Variants in SLC2A9 observed in about 807,000 individuals in gnomAD.
SLC2A9 encodes the protein solute carrier family 2 member 9.
SLC2A9 carries 39 observed loss-of-function variants against 50.6 expected under a neutral mutation model. The observed-to-expected ratio is 0.77, with a 90% CI of 0.60 to 1.01. SLC2A9 has a LOEUF of 1.01. Among genes scored for constraint, SLC2A9 ranks in the 50% least tolerant of loss-of-function variants. SLC2A9 has a pLI of 0.00. For synonymous variants in SLC2A9, 324 were observed against 276.9 expected, an observed-to-expected ratio of 1.17 and a Z score of -1.69; for missense variants, 686 against 677.6, an observed-to-expected ratio of 1.01 and a Z score of -0.14.
chr4:9,830,228 C>T (rs1725854897), intron 11 of SLC2A9, among the ~76,000 whole-genome samples: 1 of 152,200 alleles, frequency 6.6e-6, no homozygotes, highest in African/African-American at 2.4e-5. Context: ...ATGGATGGAG[C>T]TGGAAGCTGT....
intron 2 of SLC2A9, among the ~76,000 whole-genome samples, chr4:10,016,983 A>G (rs966375698): frequency 5.3e-5 from 8 of 151,862 alleles, no homozygotes; most frequent in African/African-American, 1.9e-4. Context: ...CACGCTACTA[A>G]CTTCCTAATA....
In SLC2A9 at chr4:9,850,484, C is replaced by A. The variant is rs561875582; in HGVS notation, c.1292-15476G>T. 8.5e-5 allele frequency among the ~76,000 whole-genome samples: 13 copies of A among 152,272 alleles called. No homozygotes were observed. In the South Asian group the frequency reaches 2.5e-3, roughly 29 times the overall value. On this transcript the variant is annotated intron_variant, in intron 10 of 11. Transcript: ENST00000264784. ...AGGCCGGTACATTCTGAATGCCCCC[C>A]ATCTGCTGGACTCTCTTGGGGCCCC...
chr4:9,815,981 C>T (rs1723534065), intron 3 of SLC2A9, among the ~76,000 whole-genome samples: 1 of 151,754 alleles, frequency 6.6e-6, no homozygotes, highest in Non-Finnish European at 1.5e-5. Flanking sequence ...ACCAGCCTGG[C>T]CAATATGGTG....
chr4:9,932,512 G>GGTAA (rs915214203), intron 6 of SLC2A9, among the ~76,000 whole-genome samples: 12 of 152,156 alleles, frequency 7.9e-5, no homozygotes, highest in Admixed American at 5.2e-4. Flanking sequence ...AATAAATCAA[G>GGTAA]GTAAGTGGCA....
intron 10 of SLC2A9, among the ~76,000 whole-genome samples, chr4:9,851,544 C>A (rs754656852): frequency 2.6e-5 from 4 of 152,214 alleles, no homozygotes; most frequent in Non-Finnish European, 4.4e-5. Context: ...AATGACCACA[C>A]TAATTCCCCA....
intron 10 of SLC2A9, among the ~76,000 whole-genome samples, chr4:9,870,658 G>A (rs139677056): frequency 7.1e-4 from 108 of 152,300 alleles, no homozygotes; most frequent in African/African-American, 2.4e-3. Context: ...CATAGGCTGC[G>A]GGAAAGTGAT....
Position 9,981,470 on chromosome 4 carries a change from C to A in SLC2A9, c.536-733G>T, listed in dbSNP as rs372620891. On this transcript the variant is annotated intron_variant, in intron 4 of 11. Transcript: ENST00000264784. The stretch of plus-strand genomic sequence containing the variant: ...GTTATTTACTTTTAACAATAGTCTT[C>A]TGAATTAAATATACTATTACCATTT... Among the ~76,000 whole-genome samples, 3 of 152,112 alleles carry A rather than the reference C, an allele frequency of 2.0e-5. No individual in the cohort carries two copies. The East Asian group carries it at 5.8e-4, about 29-fold the overall frequency.
chr4:9,799,285 CATTTATTTATTT>C (rs34063554), intron 3 of SLC2A9: 1 of 149,404 alleles, frequency 6.7e-6, no homozygotes, highest in Admixed American at 6.7e-5. Context: ...AAACAACAGA[CATTTATTTATTT>C]ATTTATTTAT....
chr4:9,903,705 A>G (rs899260246), intron 8 of SLC2A9, among the ~76,000 whole-genome samples: 4 of 151,902 alleles, frequency 2.6e-5, no homozygotes, highest in Non-Finnish European at 4.4e-5. Flanking sequence ...TGGATAAGCA[A>G]TCACTTCAAA....
At chr4:9,980,780 C>CG (rs1182875183) in intron 4 of SLC2A9, 43 bp from the exon 5 acceptor site, 4 of 1,613,726 alleles carry the variant, frequency 2.5e-6, no homozygotes, top group Non-Finnish European at 1.7e-6. Flanking sequence ...GGTGTCTTCC[C>CG]GGGGGAGCTG....
Position 9,959,253 on chromosome 4 carries a change from G to A in SLC2A9, c.682-17208C>T, listed in dbSNP as rs528278494. On this transcript the variant is annotated intron_variant, in intron 5 of 11. Transcript: ENST00000264784. ...AAAAAAATACAAAAATTAGCCAGGCGTGGTGGCGGGGGCATGTAATCCCAG... is the reference window on the plus strand; with the variant it reads ...AAAAAAATACAAAAATTAGCCAGGCATGGTGGCGGGGGCATGTAATCCCAG... Among the ~76,000 whole-genome samples the A allele has an allele frequency of 1.6e-4, 24 of 151,502 alleles. No homozygotes were observed. In the South Asian group the frequency reaches 2.5e-3, roughly 16 times the overall value.
At position 9,920,368 on chromosome 4, in the gene SLC2A9, C is replaced by T. The variant is rs765285398; in HGVS notation, c.1002+17G>A. The T allele has an allele frequency of 8.7e-6, 14 of 1,613,548 alleles. No individual in the cohort carries two copies. The highest frequency in any genetic ancestry group is 1.7e-5 in the Admixed American group (1 of 59,974). ...CCTCCAGTCATGCAAGGATGCCCACCGGGCCCCAGGACTCACTGCATTGAG... is the reference window on the plus strand; with the variant it reads ...CCTCCAGTCATGCAAGGATGCCCACTGGGCCCCAGGACTCACTGCATTGAG... On this transcript the variant is annotated intron_variant, in intron 7 of 11. Transcript: ENST00000264784.
intron 1 of SLC2A9, among the ~76,000 whole-genome samples, chr4:10,039,428 C>A (rs191581704): frequency 6.6e-6 from 1 of 152,348 alleles, no homozygotes; most frequent in East Asian, 1.9e-4. Flanking sequence ...TCCAACAAAA[C>A]CTGTAGTTTC....
intron 11 of SLC2A9, among the ~76,000 whole-genome samples, chr4:9,829,264 C>T (rs1011835067): frequency 6.6e-6 from 1 of 152,098 alleles, no homozygotes; most frequent in South Asian, 2.1e-4. Flanking sequence ...ATTAGCTAGG[C>T]GTGGTGGCAG....
At chr4:9,803,226 T>G (rs1721694454) in intron 3 of SLC2A9, among the ~76,000 whole-genome samples, 1 of 152,256 alleles carries the variant, frequency 6.6e-6, no homozygotes, top group South Asian at 2.1e-4. Context: ...AGATTAAATG[T>G]GAGTTCAAGG....
intron 8 of SLC2A9, among the ~76,000 whole-genome samples, 182 bp downstream of exon 8, chr4:9,908,053 G>C (rs1741010033): frequency 6.6e-6 from 1 of 152,094 alleles, no homozygotes. Context: ...AATGATGTCT[G>C]GGTTCTCCCC....
chr4:9,919,632 T>C (rs1743537244), intron 7 of SLC2A9, among the ~76,000 whole-genome samples: 1 of 152,130 alleles, frequency 6.6e-6, no homozygotes, highest in East Asian at 1.9e-4. Context: ...TCCTCCCAAG[T>C]GACATGAGTG....
chr4:9,846,479 C>G (rs927719223), intron 10 of SLC2A9, among the ~76,000 whole-genome samples: 22 of 152,068 alleles, frequency 1.4e-4, no homozygotes, highest in African/African-American at 5.3e-4. Context: ...CAGATGCTTC[C>G]TGGGGTCTCC....
chr4:9,804,007 C>A (rs1226527660), intron 3 of SLC2A9, among the ~76,000 whole-genome samples: 1 of 152,180 alleles, frequency 6.6e-6, no homozygotes, highest in African/African-American at 2.4e-5. Context: ...ATGAATCAAG[C>A]ACTTTTTAAT....
Sources: gnomAD v4.1 joint callset for allele counts (sites outside exome capture counted in the v4.1 genomes callset) on GRCh38, gnomAD v4.1.1 for gene constraint, MANE v1.5 for transcripts, NCBI Gene and HGNC (gene_info 2026-07-23, HGNC 2026-07-21) for gene names.